Variants in CALN1 observed in about 807,000 individuals in gnomAD.
CALN1 encodes the protein calneuron 1.
In CALN1, 17 loss-of-function variants were observed where a neutral mutation model predicts 30.6. That is an observed-to-expected ratio of 0.56 (90% CI 0.38 to 0.83). CALN1 has a LOEUF of 0.83. Ranked by LOEUF, CALN1 falls within the 40% of genes least tolerant of loss-of-function variation. The pLI, the probability that CALN1 is intolerant of heterozygous loss-of-function variation, is 0.00. For missense variants in CALN1, 291 were observed against 354.9 expected (o/e 0.82, Z 1.45); for synonymous variants, 156 against 131.4 (o/e 1.19, Z -1.28).
intron 3 of CALN1, among the ~76,000 whole-genome samples, chr7:72,124,093 G>A (rs1174210616): frequency 3.3e-5 from 5 of 152,100 alleles, no homozygotes; most frequent in African/African-American, 1.2e-4. Flanking sequence ...GAACACACGT[G>A]CACACACACA....
At chr7:72,301,610 CAAAAA>C (rs34940935) in intron 2 of CALN1, among the ~76,000 whole-genome samples, 1 of 104,326 alleles carries the variant, frequency 9.6e-6, no homozygotes, top group East Asian at 2.9e-4. Flanking sequence ...CTTTGTCTCT[CAAAAA>C]AAAAAAAAAA....
intron 3 of CALN1, among the ~76,000 whole-genome samples, chr7:72,258,186 G>C (rs564043897): frequency 2.0e-5 from 3 of 152,270 alleles, no homozygotes; most frequent in East Asian, 1.9e-4. Flanking sequence ...CCCAAGTTCA[G>C]TGTGATTTCA....
At chr7:72,054,416 T>C (rs1489555280) in intron 4 of CALN1, among the ~76,000 whole-genome samples, 2 of 49,334 alleles carry the variant, frequency 4.1e-5, no homozygotes, top group South Asian at 2.0e-3. Context: ...TATATATATA[T>C]ACGTGTATAT....
intron 4 of CALN1, among the ~76,000 whole-genome samples, chr7:72,032,210 C>T (rs746177099): frequency 6.6e-6 from 1 of 152,016 alleles, no homozygotes; most frequent in Non-Finnish European, 1.5e-5. Flanking sequence ...AGGCGCCCAC[C>T]ACTGCGCCCA....
At chr7:71,937,245 G>C (rs910929735) in intron 5 of CALN1, among the ~76,000 whole-genome samples, 12 of 151,994 alleles carry the variant, frequency 7.9e-5, no homozygotes, top group Non-Finnish European at 1.0e-4. Context: ...GGGAGACAGA[G>C]GTTGCAGTGA....
intron 4 of CALN1, 53 bp from the exon 5 acceptor site, chr7:72,023,822 C>T (rs1013271839): frequency 9.1e-6 from 12 of 1,324,188 alleles, no homozygotes; most frequent in South Asian, 3.6e-5. Flanking sequence ...CTTGACCTAC[C>T]GTACCTGATG....
intron 5 of CALN1, among the ~76,000 whole-genome samples, chr7:71,997,939 G>A (rs1451186468): frequency 6.6e-6 from 1 of 152,044 alleles, no homozygotes; most frequent in Non-Finnish European, 1.5e-5. Flanking sequence ...TTGTGCCTCA[G>A]CCTCCCAAGT....
intron 5 of CALN1, among the ~76,000 whole-genome samples, chr7:71,972,384 G>C (rs542610486): frequency 1.3e-5 from 2 of 152,270 alleles, no homozygotes; most frequent in Admixed American, 6.5e-5. Flanking sequence ...CGGCCTTTGT[G>C]AGAAATGATC....
intron 6 of CALN1, among the ~76,000 whole-genome samples, chr7:71,796,350 GTTTC>G (rs1312308344): frequency 8.3e-5 from 12 of 145,162 alleles, no homozygotes; most frequent in East Asian, 2.0e-4. Flanking sequence ...GTAACTCTAT[GTTTC>G]TTTCTTTTTT....
At chr7:71,972,026 AAG>A (rs1797869967) in intron 5 of CALN1, among the ~76,000 whole-genome samples, 1 of 151,864 alleles carries the variant, frequency 6.6e-6, no homozygotes. Flanking sequence ...AAAAGAAAGA[AAG>A]AAAGAAAGAC....
At chr7:72,485,794 C>G in the CALN1 span, among the ~76,000 whole-genome samples, 1 of 152,114 alleles carries the variant, frequency 6.6e-6, no homozygotes, top group Non-Finnish European at 1.5e-5. Context: ...TCACTTGAAC[C>G]CGGGAGGTGG....
intron 5 of CALN1, among the ~76,000 whole-genome samples, chr7:71,916,469 C>T (rs1794693447): frequency 6.6e-6 from 1 of 151,992 alleles, no homozygotes. Flanking sequence ...TACACATACA[C>T]CATAGAATAC....
intron 5 of CALN1, among the ~76,000 whole-genome samples, chr7:71,910,919 A>G (rs1794394318): frequency 6.6e-6 from 1 of 152,194 alleles, no homozygotes. Context: ...AGCAAAAGCC[A>G]AAAAGAAAAT....
At chr7:72,408,654 ACCAC>A (rs1349669759) in intron 1 of CALN1, among the ~76,000 whole-genome samples, 1 of 146,724 alleles carries the variant, frequency 6.8e-6, no homozygotes, top group Non-Finnish European at 1.5e-5. Context: ...CATACAAATG[ACCAC>A]CAATTATTAT....
At chr7:72,054,450 T>TATAC (rs1803072983) in intron 4 of CALN1, among the ~76,000 whole-genome samples, 1 of 57,440 alleles carries the variant, frequency 1.7e-5, no homozygotes, top group African/African-American at 4.7e-5. Context: ...TATATATACA[T>TATAC]ATATATACAT....
intron 5 of CALN1, among the ~76,000 whole-genome samples, chr7:71,915,490 T>C (rs761357050): frequency 6.6e-6 from 1 of 152,042 alleles, no homozygotes; most frequent in Non-Finnish European, 1.5e-5. Context: ...TCCCAGCACT[T>C]TGGGAGGCTG....
At chr7:72,069,604 C>T (rs116623483) in intron 4 of CALN1, among the ~76,000 whole-genome samples, 2,953 of 152,234 alleles carry the variant, frequency 0.019, 90 homozygotes, top group African/African-American at 0.067. Flanking sequence ...CCTGTGCCTC[C>T]CTTGCAGAGG....
intron 1 of CALN1, among the ~76,000 whole-genome samples, chr7:72,410,504 A>G (rs1186690160): frequency 6.6e-6 from 1 of 152,224 alleles, no homozygotes; most frequent in African/African-American, 2.4e-5. Context: ...CGGAAATAAA[A>G]TATATACACA....
At chr7:72,121,795 T>C (rs1584986282) in intron 3 of CALN1, among the ~76,000 whole-genome samples, 1 of 142,142 alleles carries the variant, frequency 7.0e-6, no homozygotes, top group South Asian at 2.4e-4. Context: ...TATTATAATA[T>C]GTGTTTTGAT....
Sources: allele counts gnomAD v4.1 joint callset (sites outside exome capture counted in the v4.1 genomes callset), GRCh38; gene constraint gnomAD v4.1.1; transcripts MANE v1.5; gene names NCBI Gene and HGNC (gene_info 2026-07-23, HGNC 2026-07-21).